The following KDM4B variants were observed in gnomAD, a reference collection of about 807,000 sequenced individuals.
KDM4B encodes the protein lysine-specific demethylase 4B.
Under a neutral mutation model 125.2 loss-of-function variants are expected in KDM4B, and 32 were observed. The ratio of observed to expected loss-of-function variants is 0.26; its 90% CI spans 0.19 to 0.34. The LOEUF (loss-of-function observed/expected upper bound fraction) is 0.34, where lower values mean the gene tolerates loss of function less well. Ranked by LOEUF, KDM4B falls within the 10% of genes least tolerant of loss-of-function variation. KDM4B has a pLI of 1.00. For synonymous variants in KDM4B, 721 were observed against 677.9 expected, an observed-to-expected ratio of 1.06 and a Z score of -0.99; for missense variants, 1,190 against 1,577.7, an observed-to-expected ratio of 0.75 and a Z score of 4.16.
intron 10 of KDM4B, among the ~76,000 whole-genome samples, 157 bp from the exon 11 acceptor site, chr19:5,119,496 G>C (rs769119839): frequency 2.6e-5 from 4 of 152,184 alleles, no homozygotes; most frequent in Non-Finnish European, 5.9e-5. Flanking sequence ...CCCCACCCAG[G>C]GTTCCCTTTA....
chr19:5,071,978 G>A (rs2037963420), intron 7 of KDM4B, among the ~76,000 whole-genome samples: 1 of 152,200 alleles, frequency 6.6e-6, no homozygotes, highest in Non-Finnish European at 1.5e-5. Context: ...GGGTCAGTGA[G>A]GGCCCGTTGT....
chr19:5,077,535 C>A, intron 8 of KDM4B, 65 bp downstream of exon 8: 1 of 1,331,206 alleles, frequency 7.5e-7, no homozygotes, highest in Non-Finnish European at 1.1e-6. Context: ...CCCAGGTGGC[C>A]GCACATACCC....
chr19:5,057,065 T>TGTGTGCGCGCGCGCGCGCGTATGTGC (rs55806859), intron 6 of KDM4B, among the ~76,000 whole-genome samples: 1 of 128,322 alleles, frequency 7.8e-6, no homozygotes, highest in Non-Finnish European at 1.7e-5. Flanking sequence ...TGTGTGTGTG[T>TGTGTGCGCGCGCGCGCGCGTATGTGC]GCGCGCGCGC....
intron 11 of KDM4B, 116 bp downstream of exon 11, chr19:5,119,968 A>G: frequency 3.1e-6 from 4 of 1,307,990 alleles, no homozygotes; most frequent in Non-Finnish European, 4.1e-6. Context: ...AATCTGATTC[A>G]GTGGCTTTCT....
chr19:5,029,465 T>C (rs1267110700), intron 2 of KDM4B, among the ~76,000 whole-genome samples: 1 of 152,240 alleles, frequency 6.6e-6, no homozygotes, highest in Non-Finnish European at 1.5e-5. Flanking sequence ...GTCAAGGTTA[T>C]GGCGCGTGGG....
intron 9 of KDM4B, among the ~76,000 whole-genome samples, chr19:5,094,181 C>G (rs758178963): frequency 3.3e-5 from 5 of 152,234 alleles, no homozygotes; most frequent in Non-Finnish European, 7.3e-5. Context: ...CTAAGGGCAC[C>G]AGGTGCTGAC....
intron 2 of KDM4B, among the ~76,000 whole-genome samples, chr19:5,026,919 A>G (rs2036297753): frequency 6.6e-6 from 1 of 152,190 alleles, no homozygotes; most frequent in African/African-American, 2.4e-5. Context: ...AATCTTCTAC[A>G]AGGATGGGGC....
At position 5,080,611 on chromosome 19, in the gene KDM4B, G is replaced by A. The variant is rs146816439; in HGVS notation, c.781-1756G>A. 6.1e-3 allele frequency: 928 copies of A among 152,350 alleles called. 8 individuals are homozygous for A. Among genetic ancestry groups the A allele is most frequent in the African/African-American group, 0.021 (892 of 41,562 alleles). The allele number at this position is 152,350 out of a possible 1,614,324, so 9.4% of individuals were successfully genotyped here. On this transcript the variant is annotated intron_variant, in intron 8 of 22. Coordinates refer to ENST00000159111, the MANE Select transcript of KDM4B (RefSeq NM_015015.3). ...CTCCCAGCCGGGGTGGATGCAGGGC[G>A]GTGCCATGGCCATGGAAAACCGTTC...
chr19:5,050,384 C>T (rs996994737), intron 6 of KDM4B, among the ~76,000 whole-genome samples: 2 of 152,240 alleles, frequency 1.3e-5, no homozygotes, highest in Non-Finnish European at 1.5e-5. Flanking sequence ...GGATTGAAAC[C>T]AGAGCCAGCA....
rs769148044 is a variant in KDM4B at position 5,144,192 on chromosome 19, C to A, written c.2736+40C>A. ...GCCTCCTTGCCCCCAGCCCCTGGCT[C>A]CCGCCCCCACCGACACCCGCGCTGA... On this transcript the variant is annotated intron_variant, in intron 19 of 22. Transcript: ENST00000159111. The A allele has an allele frequency of 3.8e-6, 6 of 1,577,250 alleles. No homozygotes were observed. The East Asian group carries it at 6.8e-5, about 18-fold the overall frequency.
At chr19:4,975,336 G>A (rs1328069120) in intron 1 of KDM4B, among the ~76,000 whole-genome samples, 1 of 152,088 alleles carries the variant, frequency 6.6e-6, no homozygotes, top group Non-Finnish European at 1.5e-5. Flanking sequence ...TACATTATAA[G>A]ACATTTTTCT....
chr19:5,037,727 C>A (rs535139810), intron 3 of KDM4B, among the ~76,000 whole-genome samples: 1 of 152,226 alleles, frequency 6.6e-6, no homozygotes, highest in African/African-American at 2.4e-5. Flanking sequence ...TCCCTGGCCT[C>A]CATCTACCTC....
intron 18 of KDM4B, chr19:5,140,414 C>A (rs1266599106): frequency 6.6e-6 from 1 of 152,444 alleles, no homozygotes; most frequent in Non-Finnish European, 1.5e-5. Context: ...AATCAGCTTC[C>A]TGCAGAGCCT....
rs537246533 is a variant in KDM4B at position 5,114,332 on chromosome 19, A to T, written c.1115+3514A>T. ...AGGCCTCGTCTCCCCTACCCCTCCG[A>T]GCTCGGTGCTGCCTGTCCCCTCCTG... On this transcript the variant is annotated intron_variant, in intron 10 of 22. Transcript: ENST00000159111. This position sits in a 1 kb window ranked among gnomAD's most constrained non-coding sequence, Gnocchi z 5.8. The T allele has an allele frequency of 6.8e-5, 60 of 885,558 alleles. No homozygotes were observed. In the African/African-American group the frequency reaches 1.0e-3, roughly 15 times the overall value. 54.9% of individuals were successfully genotyped at this position (885,558 alleles called of 1,614,324 possible).
chr19:5,066,098 G>C (rs1367348653), intron 6 of KDM4B, among the ~76,000 whole-genome samples: 1 of 152,214 alleles, frequency 6.6e-6, no homozygotes, highest in African/African-American at 2.4e-5. Context: ...TGTGTGTCAG[G>C]CCGCGGGGCT....
At chr19:5,019,367 T>TGTTG (rs2036003404) in intron 2 of KDM4B, among the ~76,000 whole-genome samples, 1 of 145,650 alleles carries the variant, frequency 6.9e-6, no homozygotes, top group Non-Finnish European at 1.5e-5. Flanking sequence ...CAGGTGTTGG[T>TGTTG]GTGGACATTG....
At chr19:4,986,664 C>G (rs186476019) in intron 1 of KDM4B, among the ~76,000 whole-genome samples, 1 of 152,200 alleles carries the variant, frequency 6.6e-6, no homozygotes, top group African/African-American at 2.4e-5. Flanking sequence ...CTGCTTTAGC[C>G]GGGGGAACAG....
At chr19:5,033,937 G>C (rs263055) in intron 3 of KDM4B, among the ~76,000 whole-genome samples, 138,065 of 152,202 alleles carry the variant, frequency 0.91, 62,854 homozygotes, top group African/African-American at 0.96. Context: ...TCAAGACCAA[G>C]CTGGCCAACA....
intron 1 of KDM4B, among the ~76,000 whole-genome samples, chr19:5,004,158 C>A (rs774169410): frequency 1.3e-5 from 2 of 152,168 alleles, no homozygotes; most frequent in Non-Finnish European, 2.9e-5. Context: ...GGCGGGTGTG[C>A]TGGCAGAGAC....
Sources: allele counts gnomAD v4.1 joint callset (sites outside exome capture counted in the v4.1 genomes callset), GRCh38; gene constraint gnomAD v4.1.1; non-coding constraint Gnocchi (gnomAD v3.1); transcripts MANE v1.5; gene names NCBI Gene and HGNC (gene_info 2026-07-23, HGNC 2026-07-21).